ISOC2: variants seen among roughly 807,000 people sequenced by gnomAD.
The protein encoded by ISOC2 is isochorismatase domain containing 2.
Under a neutral mutation model 19.3 loss-of-function variants are expected in ISOC2, and 15 were observed. The observed-to-expected ratio is 0.78, with a 90% CI of 0.52 to 1.20. ISOC2 has a LOEUF of 1.20. Among genes scored for constraint, ISOC2 ranks in the 50% most tolerant of loss-of-function variants. The pLI, the probability that ISOC2 is intolerant of heterozygous loss-of-function variation, is 0.00. For synonymous variants in ISOC2, 106 were observed against 115.8 expected (o/e 0.92, Z 0.54); for missense variants, 285 against 272.4 (o/e 1.05, Z -0.33).
In ISOC2 at chr19:55,456,390, A is replaced by T. The variant is rs1261668961; in HGVS notation, c.97T>A (p.Tyr33Asn). ...GCCACTGAGACGATCTGTGGGAAGTAGGCGATGTTGTGGCGGAACTTCTCC... is the reference window on the plus strand; with the variant it reads ...GCCACTGAGACGATCTGTGGGAAGTTGGCGATGTTGTGGCGGAACTTCTCC... ...MQEKFRHNIAYFPQIVSVAAR... is the reference protein window; with the variant it reads ...MQEKFRHNIANFPQIVSVAAR... Residue 33 changes from tyrosine (Y) to asparagine (N), a missense_variant, in exon 2 of 6, where the codon TAC becomes AAC. Physicochemically the swap from Tyr to Asn is moderately radical, Grantham distance 143. Coordinates refer to ENST00000425675, the MANE Select transcript of ISOC2 (RefSeq NM_001136201.2). 3.7e-6 allele frequency: 6 copies of T among 1,613,804 alleles called. No homozygotes were observed. The highest frequency in any genetic ancestry group is 5.1e-6 in the Non-Finnish European group (6 of 1,179,904).
intron 3 of ISOC2, 23 bp from the exon 4 acceptor site, chr19:55,455,353 G>A (rs900962296): frequency 2.5e-6 from 4 of 1,614,006 alleles, no homozygotes; most frequent in African/African-American, 1.3e-5. Context: ...AGAGGTCAGG[G>A]CCAACCCCGG....
Position 55,453,216 on chromosome 19 carries a change from C to T in ISOC2, c.*92G>A. Reference sequence around the variant, plus strand: ...AGGGGGCGGCACTCCTGGTGGATCGCACCACTCTTGGGATCCAGGGATGGG... The same window carrying T: ...AGGGGGCGGCACTCCTGGTGGATCGTACCACTCTTGGGATCCAGGGATGGG... On this transcript the variant is annotated 3_prime_UTR_variant, in exon 6 of 6. Coordinates refer to ENST00000425675, the MANE Select transcript of ISOC2 (RefSeq NM_001136201.2). The T allele has an allele frequency of 1.1e-6, 1 of 904,968 alleles. No individual in the cohort carries two copies. The highest frequency in any genetic ancestry group is 1.7e-6 in the Non-Finnish European group (1 of 605,600). The allele number at this position is 904,968 out of a possible 1,614,324, so 56.1% of individuals were successfully genotyped here. A position where few individuals can be genotyped will look rare whatever the true frequency, so the allele number is the denominator to read the frequency against.
At chr19:55,457,117 A>C (rs1184835041) in intron 1 of ISOC2, 1 of 153,394 alleles carries the variant, frequency 6.5e-6, no homozygotes, top group South Asian at 2.0e-4. Context: ...AACTGAGGCC[A>C]TATTCTTCAG....
At chr19:55,453,860 A>G (rs1324532854) in intron 5 of ISOC2, 1 of 151,962 alleles carries the variant, frequency 6.6e-6, no homozygotes, top group East Asian at 1.9e-4. Flanking sequence ...ATAAATAAAT[A>G]AACAACAACA....
intron 1 of ISOC2, among the ~76,000 whole-genome samples, chr19:55,458,735 C>T (rs1256171494): frequency 1.3e-5 from 2 of 151,644 alleles, no homozygotes; most frequent in Non-Finnish European, 2.9e-5. Flanking sequence ...ACCATGTTGG[C>T]CAGGCTGGTC....
At chr19:55,458,807 G>A (rs1256810125) in intron 1 of ISOC2, among the ~76,000 whole-genome samples, 1 of 152,044 alleles carries the variant, frequency 6.6e-6, no homozygotes, top group Admixed American at 6.6e-5. Context: ...GATTACAGGT[G>A]TGAGCCACCG....
At chr19:55,459,127 G>A (rs928917711) in intron 1 of ISOC2, among the ~76,000 whole-genome samples, 1 of 151,908 alleles carries the variant, frequency 6.6e-6, no homozygotes, top group Non-Finnish European at 1.5e-5. Context: ...TTTAGAGACA[G>A]GGTCTTCCTA....
intron 1 of ISOC2, among the ~76,000 whole-genome samples, chr19:55,461,269 TCA>T (rs1986230998): frequency 6.6e-6 from 1 of 152,084 alleles, no homozygotes; most frequent in South Asian, 2.1e-4. Flanking sequence ...TGTCTTAGCC[TCA>T]GTTTTCTCGT....
chr19:55,456,723 C>T (rs1986072954), intron 1 of ISOC2, among the ~76,000 whole-genome samples: 1 of 152,160 alleles, frequency 6.6e-6, no homozygotes, highest in Non-Finnish European at 1.5e-5. Flanking sequence ...TGGGCCACAT[C>T]CACACGTGGC....
At chr19:55,459,233 G>A (rs766906720) in intron 1 of ISOC2, among the ~76,000 whole-genome samples, 27 of 152,256 alleles carry the variant, frequency 1.8e-4, no homozygotes, top group Admixed American at 2.6e-4. Flanking sequence ...CACCGCGCCT[G>A]GCCTATTATT....
At chr19:55,455,894 T>TG (rs1449291169) in intron 2 of ISOC2, 49 bp from the exon 3 acceptor site, 2 of 1,357,948 alleles carry the variant, frequency 1.5e-6, no homozygotes, top group Non-Finnish European at 2.0e-6. Context: ...GAGGAGGGGC[T>TG]GGGCCTGGAC....
intron 3 of ISOC2, 28 bp downstream of exon 3, chr19:55,455,608 G>A (rs1474416865): frequency 2.0e-6 from 3 of 1,533,022 alleles, no homozygotes; most frequent in South Asian, 2.4e-5. Context: ...TTAGAACGAG[G>A]GACCCCTGGG....
At chr19:55,453,678 C>G in intron 5 of ISOC2, 1 of 235,794 alleles carries the variant, frequency 4.2e-6, no homozygotes, top group Non-Finnish European at 8.1e-6. Context: ...TCTTAAGTAA[C>G]CTCATTTCTC....
At chr19:55,460,945 G>C (rs1303982953) in intron 1 of ISOC2, among the ~76,000 whole-genome samples, 1 of 152,142 alleles carries the variant, frequency 6.6e-6, no homozygotes, top group East Asian at 1.9e-4. Flanking sequence ...GTCGAGCGAG[G>C]GGCATGATCT....
chr19:55,453,458 G>A (rs551846014), intron 5 of ISOC2, 70 bp from the exon 6 acceptor site: 1 of 1,095,530 alleles, frequency 9.1e-7, no homozygotes, highest in African/African-American at 1.6e-5. Flanking sequence ...CAAATCTGAG[G>A]GACACCTCTC....
rs1270948640 is a variant in ISOC2 at position 55,453,198 on chromosome 19, G to A, written c.*110C>T. The A allele has an allele frequency of 1.5e-5, 10 of 680,890 alleles. No homozygotes were observed. Among genetic ancestry groups the A allele is most frequent in the South Asian group, 7.0e-5 (3 of 42,994 alleles). The allele number at this position is 680,890 out of a possible 1,614,324, so 42.2% of individuals were successfully genotyped here. A position where few individuals can be genotyped will look rare whatever the true frequency, so the allele number is the denominator to read the frequency against. Reference sequence around the variant, plus strand: ...CACCCTGCCCCCCCCACAAGGGGGCGGCACTCCTGGTGGATCGCACCACTC... The same window carrying A: ...CACCCTGCCCCCCCCACAAGGGGGCAGCACTCCTGGTGGATCGCACCACTC... On this transcript the variant is annotated 3_prime_UTR_variant, in exon 6 of 6. Transcript: ENST00000425675.
chr19:55,461,029 TGA>T (rs973670655), intron 1 of ISOC2, among the ~76,000 whole-genome samples: 1 of 151,340 alleles, frequency 6.6e-6, no homozygotes, highest in African/African-American at 2.4e-5. Flanking sequence ...GGTGGGTGTG[TGA>T]GAGAGAGAGA....
intron 1 of ISOC2, chr19:55,457,193 G>C (rs75153735): frequency 3.9e-5 from 6 of 153,804 alleles, no homozygotes; most frequent in Non-Finnish European, 7.2e-5. Flanking sequence ...AAAGACCACG[G>C]AGCGTGCGAT....
intron 2 of ISOC2, chr19:55,456,140 T>C (rs1986052888): frequency 1.7e-6 from 1 of 580,668 alleles, no homozygotes; most frequent in Admixed American, 3.1e-5. Flanking sequence ...GGTGGAGGGC[T>C]GAGCCTGGAT....
Sources: allele counts gnomAD v4.1 joint callset (sites outside exome capture counted in the v4.1 genomes callset), GRCh38; gene constraint gnomAD v4.1.1; transcripts MANE v1.5; gene names NCBI Gene and HGNC (gene_info 2026-07-23, HGNC 2026-07-21).